The following MCC variants were observed in gnomAD, a reference collection of about 807,000 sequenced individuals.
The protein encoded by MCC is colorectal mutant cancer protein.
Under a neutral mutation model 116.2 loss-of-function variants are expected in MCC, and 90 were observed. The observed-to-expected ratio is 0.77, with a 90% CI of 0.65 to 0.92. The LOEUF (loss-of-function observed/expected upper bound fraction) is 0.92, where lower values mean the gene tolerates loss of function less well. Ranked by LOEUF, MCC falls within the 40% of genes least tolerant of loss-of-function variation. MCC has a pLI of 0.00. For synonymous variants in MCC, 578 were observed against 510.5 expected, an observed-to-expected ratio of 1.13 and a Z score of -1.78; for missense variants, 1,516 against 1,312.2, an observed-to-expected ratio of 1.16 and a Z score of -2.40.
At chr5:113,078,190 G>A (rs190932105) in intron 11 of MCC, among the ~76,000 whole-genome samples, 1 of 152,240 alleles carries the variant, frequency 6.6e-6, no homozygotes, top group East Asian at 1.9e-4. Context: ...AGAAGTCCAG[G>A]ACCAGACAGA....
intron 3 of MCC, among the ~76,000 whole-genome samples, chr5:113,175,733 TATA>T (rs1761299849): frequency 6.6e-6 from 1 of 152,162 alleles, no homozygotes; most frequent in Non-Finnish European, 1.5e-5. Context: ...TAATATTCCT[TATA>T]ATCTACTCTA....
At position 113,394,923 on chromosome 5, in the gene MCC, T is replaced by C. The variant is rs142088940; in HGVS notation, c.171-9711A>G. Reference sequence around the variant, plus strand: ...AGCATGCCCATTTATCTATGTAATGTCTATGACTACTTTTTTGCTATAATA... The same window carrying C: ...AGCATGCCCATTTATCTATGTAATGCCTATGACTACTTTTTTGCTATAATA... On this transcript the variant is annotated intron_variant, in intron 1 of 18. Transcript: ENST00000408903. Among the ~76,000 whole-genome samples, 412 of 152,350 alleles carry C rather than the reference T, an allele frequency of 2.7e-3. 3 individuals carry two copies. Among genetic ancestry groups the C allele is most frequent in the Admixed American group, 0.024 (373 of 15,304 alleles).
intron 1 of MCC, among the ~76,000 whole-genome samples, chr5:113,463,163 T>C (rs1771792878): frequency 6.6e-6 from 1 of 150,908 alleles, no homozygotes; most frequent in African/African-American, 2.4e-5. Flanking sequence ...AAGAAGAGAG[T>C]GGTTGATGTA....
At chr5:113,198,680 T>C (rs1481234682) in intron 3 of MCC, among the ~76,000 whole-genome samples, 1 of 142,484 alleles carries the variant, frequency 7.0e-6, no homozygotes, top group African/African-American at 2.7e-5. Flanking sequence ...CACTCCAGCC[T>C]GGGTGACACA....
intron 3 of MCC, among the ~76,000 whole-genome samples, chr5:113,196,798 A>G (rs1381361871): frequency 1.3e-5 from 2 of 152,174 alleles, no homozygotes; most frequent in East Asian, 1.9e-4. Flanking sequence ...TCAGTGAGCC[A>G]AGATCACTCC....
intron 4 of MCC, 72 bp from the exon 5 acceptor site, chr5:113,143,432 T>C: frequency 6.4e-7 from 1 of 1,561,278 alleles, no homozygotes; most frequent in Non-Finnish European, 8.7e-7. Context: ...CCAAGCTTTG[T>C]GGCCTTAAAC....
chr5:113,134,098 G>C (rs1256297853), intron 5 of MCC, among the ~76,000 whole-genome samples: 5 of 152,136 alleles, frequency 3.3e-5, no homozygotes, highest in Non-Finnish European at 5.9e-5. Flanking sequence ...CATTTGTATA[G>C]TTTTGCTATC....
At chr5:113,140,813 G>A (rs10519334) in intron 5 of MCC, among the ~76,000 whole-genome samples, 5 of 152,088 alleles carry the variant, frequency 3.3e-5, no homozygotes, top group African/African-American at 1.2e-4. Context: ...TCTGTAGACC[G>A]TGGGTATGCT....
intron 3 of MCC, among the ~76,000 whole-genome samples, chr5:113,239,140 T>C (rs949450728): frequency 1.3e-5 from 2 of 152,248 alleles, no homozygotes; most frequent in Admixed American, 1.3e-4. Flanking sequence ...TACAAGCTGT[T>C]AAAGCTCTAA....
At position 113,169,357 on chromosome 5, in the gene MCC, T is replaced by C. The variant is rs563611277; in HGVS notation, c.628-17935A>G. 3.3e-5 allele frequency among the ~76,000 whole-genome samples: 5 copies of C among 152,268 alleles called. No individual in the cohort carries two copies. In the South Asian group the frequency reaches 1.0e-3, roughly 32 times the overall value. Reference sequence around the variant, plus strand: ...CTTTTTAAAAGTCTTTTTGAAAGACTTTCCTCTGCAGGACCATTCCTGCAC... The same window carrying C: ...CTTTTTAAAAGTCTTTTTGAAAGACCTTCCTCTGCAGGACCATTCCTGCAC... On this transcript the variant is annotated intron_variant, in intron 3 of 18. Coordinates refer to ENST00000408903, the MANE Select transcript of MCC (RefSeq NM_001085377.2).
chr5:113,114,687 G>C (rs555797056), intron 6 of MCC, among the ~76,000 whole-genome samples: 37 of 152,286 alleles, frequency 2.4e-4, no homozygotes, highest in African/African-American at 8.4e-4. Flanking sequence ...TGATGTCAGA[G>C]AGCAGCAGCT....
At chr5:113,160,730 TG>T (rs1760437616) in intron 3 of MCC, among the ~76,000 whole-genome samples, 1 of 152,196 alleles carries the variant, frequency 6.6e-6, no homozygotes, top group Admixed American at 6.5e-5. Context: ...ACAATTAGCA[TG>T]GGGGATAGAC....
In MCC at chr5:113,410,980, C is replaced by T. The variant is rs181027559; in HGVS notation, c.171-25768G>A. On this transcript the variant is annotated intron_variant, in intron 1 of 18. Transcript: ENST00000408903. The stretch of plus-strand genomic sequence containing the variant: ...CATAGTATTCCATGGTGTATATGTG[C>T]CACATTTTCTTAATCCAGTCTATCA... 1.6e-3 allele frequency among the ~76,000 whole-genome samples: 248 copies of T among 151,988 alleles called. 2 individuals carry two copies. The highest frequency in any genetic ancestry group is 5.8e-3 in the African/African-American group (240 of 41,508).
chr5:113,210,201 C>G (rs2120348), intron 3 of MCC, among the ~76,000 whole-genome samples: 28,617 of 129,182 alleles, frequency 0.22, 3,592 homozygotes, highest in African/African-American at 0.35. Flanking sequence ...AACAGTACAA[C>G]TTTTCCCCTC....
intron 8 of MCC, among the ~76,000 whole-genome samples, chr5:113,092,100 T>C (rs879498870): frequency 1.3e-5 from 2 of 152,180 alleles, no homozygotes; most frequent in African/African-American, 4.8e-5. Flanking sequence ...ACTTAGAATA[T>C]TGTGGTAGGC....
At chr5:113,129,188 TGA>T (rs941079927) in intron 5 of MCC, among the ~76,000 whole-genome samples, 3 of 151,896 alleles carry the variant, frequency 2.0e-5, no homozygotes, top group Non-Finnish European at 4.4e-5. Flanking sequence ...GTTAAAGGTG[TGA>T]GAGAGAGAGT....
chr5:113,027,050 C>T lies in MCC; in HGVS notation c.*252G>A. The T allele has an allele frequency of 4.4e-6, 2 of 451,902 alleles. No homozygotes were observed. Among genetic ancestry groups the T allele is most frequent in the East Asian group, 3.6e-5 (1 of 27,960 alleles). 28.0% of individuals were successfully genotyped at this position (451,902 alleles called of 1,614,324 possible). A position where few individuals can be genotyped will look rare whatever the true frequency, so the allele number is the denominator to read the frequency against. On this transcript the variant is annotated 3_prime_UTR_variant, in exon 19 of 19. Transcript: ENST00000408903. ...AAAGCAGAAACGAGGCTCTGCTGAG[C>T]AGGCACAGAACATGTGTTTACACGC...
chr5:113,441,330 C>T (rs1220056070), intron 1 of MCC, among the ~76,000 whole-genome samples: 1 of 151,602 alleles, frequency 6.6e-6, no homozygotes, highest in Non-Finnish European at 1.5e-5. Flanking sequence ...CAGAATGAGA[C>T]ACTGTCTCAA....
chr5:113,153,794 T>C (rs577438383), intron 3 of MCC, among the ~76,000 whole-genome samples: 1 of 152,336 alleles, frequency 6.6e-6, no homozygotes, highest in Admixed American at 6.5e-5. Flanking sequence ...TCATGTGTCA[T>C]CATCACAGAT....
Sources: allele counts gnomAD v4.1 joint callset (sites outside exome capture counted in the v4.1 genomes callset), GRCh38; gene constraint gnomAD v4.1.1; transcripts MANE v1.5; gene names NCBI Gene and HGNC (gene_info 2026-07-23, HGNC 2026-07-21).